Variants in OPRK1 observed in about 807,000 individuals in gnomAD.
OPRK1 encodes kappa-type opioid receptor.
Under a neutral mutation model 24.5 loss-of-function variants are expected in OPRK1, and 15 were observed. The ratio of observed to expected loss-of-function variants is 0.61; its 90% confidence interval spans 0.41 to 0.94. The LOEUF is 0.94. Among genes scored for constraint, OPRK1 ranks in the 40% least tolerant of loss-of-function variants. The pLI is 0.00. For synonymous variants in OPRK1, 205 were observed against 198.0 expected, an observed-to-expected ratio of 1.04 and a Z score of -0.30; for missense variants, 479 against 507.3, an observed-to-expected ratio of 0.94 and a Z score of 0.54.
At chr8:53,238,899 G>A (rs1805294523) in intron 2 of OPRK1, among the ~76,000 whole-genome samples, 1 of 152,202 alleles carries the variant, frequency 6.6e-6, no homozygotes, top group African/African-American at 2.4e-5. Context: ...GGTAGAGGAG[G>A]TAATTATTGG....
At chr8:53,243,053 G>T in intron 2 of OPRK1, 1 of 1,013,648 alleles carries the variant, frequency 9.9e-7, no homozygotes, top group South Asian at 1.8e-5. Flanking sequence ...AAAAGGGACT[G>T]CTGCTGATCT....
In OPRK1 at chr8:53,227,420, A is replaced by C. The variant is rs200711612; in HGVS notation, c.*1877T>G. 6.6e-6 allele frequency: 1 copy of C among 152,148 alleles called. No individual in the cohort carries two copies. Among genetic ancestry groups the C allele is most frequent in the Non-Finnish European group, 1.5e-5 (1 of 68,054 alleles). The allele number at this position is 152,148 out of a possible 1,614,324, so 9.4% of individuals were successfully genotyped here. A position where few individuals can be genotyped will look rare whatever the true frequency, so the allele number is the denominator to read the frequency against. On this transcript the variant is annotated 3_prime_UTR_variant, in exon 4 of 4. Transcript: ENST00000265572. Reference sequence around the variant, plus strand: ...CCATAAAGAAGTTTTTATATTTCCTATTTCACCAGGGCTTGTTTCTGGAAC... The same window carrying C: ...CCATAAAGAAGTTTTTATATTTCCTCTTTCACCAGGGCTTGTTTCTGGAAC...
intron 1 of OPRK1, 55 bp downstream of exon 1, chr8:53,251,393 C>A: frequency 1.8e-5 from 6 of 331,046 alleles, no homozygotes; most frequent in Non-Finnish European, 2.2e-5. Context: ...GCCCCCTTCC[C>A]ACCTCCCAGC....
chr8:53,239,375 A>C (rs570895326), intron 2 of OPRK1, among the ~76,000 whole-genome samples: 1 of 152,238 alleles, frequency 6.6e-6, no homozygotes, highest in African/African-American at 2.4e-5. Flanking sequence ...CATATTCTGA[A>C]GAGAAAATTT....
chr8:53,229,321 G>C lies in OPRK1; in HGVS notation c.1119C>G (p.Ile373Met), dbSNP rs150426309. Residue 373 changes from isoleucine (I) to methionine (M), a missense_variant, in exon 4 of 4, where the codon ATC (isoleucine) becomes ATG (methionine). Coordinates refer to ENST00000265572, the MANE Select transcript of OPRK1 (RefSeq NM_000912.5). Reference protein sequence around the residue: ...TVQDPAYLRDIDGMNKPV With the variant: ...TVQDPAYLRDMDGMNKPV The stretch of plus-strand genomic sequence containing the variant: ...GTCATACTGGTTTATTCATCCCATC[G>C]ATGTCCCTCAGGTAAGCAGGATCCT... 12 of 1,613,816 alleles carry C rather than the reference G, an allele frequency of 7.4e-6. No individual in the cohort carries two copies. The highest frequency in any genetic ancestry group is 1.3e-5 in the African/African-American group (1 of 74,918).
intron 2 of OPRK1, 94 bp downstream of exon 2, chr8:53,250,687 T>C: frequency 7.5e-7 from 1 of 1,327,180 alleles, no homozygotes. Flanking sequence ...CCCCACCACC[T>C]GGCTGGCTGC....
At chr8:53,242,855 C>T in intron 2 of OPRK1, 1 of 1,283,086 alleles carries the variant, frequency 7.8e-7, no homozygotes, top group Non-Finnish European at 1.0e-6. Flanking sequence ...TCACACCAGT[C>T]CCTTTGGGAT....
chr8:53,241,559 GAGAA>G (rs1807116681), intron 2 of OPRK1, among the ~76,000 whole-genome samples: 2 of 152,028 alleles, frequency 1.3e-5, no homozygotes, highest in African/African-American at 2.4e-5. Context: ...GAAAGGGAAA[GAGAA>G]AGAAAGGAAA....
chr8:53,245,135 A>G (rs1807200632), intron 2 of OPRK1, among the ~76,000 whole-genome samples: 1 of 152,262 alleles, frequency 6.6e-6, no homozygotes, highest in African/African-American at 2.4e-5. Context: ...ATTTAAAAAA[A>G]CAACATTTTT....
intron 2 of OPRK1, among the ~76,000 whole-genome samples, chr8:53,243,135 T>G (rs753704241): frequency 6.6e-6 from 1 of 152,242 alleles, no homozygotes; most frequent in Non-Finnish European, 1.5e-5. Context: ...ATGTATTACT[T>G]GCACCACTGA....
At chr8:53,231,768 AC>A (rs1237860347) in intron 3 of OPRK1, among the ~76,000 whole-genome samples, 9 of 152,352 alleles carry the variant, frequency 5.9e-5, no homozygotes, top group African/African-American at 1.9e-4. Flanking sequence ...CACATGAATA[AC>A]AAACCCTCGA....
Position 53,234,843 on chromosome 8 carries a change from T to C in OPRK1, c.526A>G (p.Lys176Glu). Residue 176 changes from lysine to glutamate, a missense_variant, in exon 3 of 4, where the codon AAG (lysine) becomes GAG (glutamate). By Grantham distance (56) the Lys-to-Glu change is moderately conservative. Coordinates refer to ENST00000265572, the MANE Select transcript of OPRK1 (RefSeq NM_000912.5). Reference sequence around the variant, plus strand: ...AGCCAGATGCAGATATTGATGATCTTTGCCTTCAAGGGTGTGCGGAAGTCC... The same window carrying C: ...AGCCAGATGCAGATATTGATGATCTCTGCCTTCAAGGGTGTGCGGAAGTCC... Reference protein sequence around the residue: ...ALDFRTPLKAKIINICIWLLS... With the variant: ...ALDFRTPLKAEIINICIWLLS... 6.2e-7 allele frequency: 1 copy of C among 1,614,204 alleles called. No individual in the cohort carries two copies.
In OPRK1 at chr8:53,241,592, T is replaced by A. The variant is rs142595170; in HGVS notation, c.258-6481A>T. On this transcript the variant is annotated intron_variant, in intron 2 of 3. Coordinates refer to ENST00000265572, the MANE Select transcript of OPRK1 (RefSeq NM_000912.5). ...AAGGAAAAATGGAAGGAAAGGAAAA[T>A]GGAAAGGAAAGATAAGGAAATTAAA... Among the ~76,000 whole-genome samples, 165 of 150,276 alleles carry A rather than the reference T, an allele frequency of 1.1e-3. 1 individual carries two copies. Among genetic ancestry groups the A allele is most frequent in the African/African-American group, 3.9e-3 (158 of 40,916 alleles).
chr8:53,234,592 G>A (rs1806940951), intron 3 of OPRK1, among the ~76,000 whole-genome samples, 167 bp downstream of exon 3: 1 of 152,084 alleles, frequency 6.6e-6, no homozygotes, highest in Non-Finnish European at 1.5e-5. Context: ...AGGTGGAAAG[G>A]GACACAAAAT....
At chr8:53,246,587 G>C (rs1417949877) in intron 2 of OPRK1, among the ~76,000 whole-genome samples, 2 of 133,986 alleles carry the variant, frequency 1.5e-5, no homozygotes, top group Non-Finnish European at 3.1e-5. Flanking sequence ...TAGCTTATAT[G>C]GTAAAGACCC....
In OPRK1 at chr8:53,229,738, G is replaced by A; in HGVS notation, c.702C>T (p.Ala234=). 3 of 1,613,996 alleles carry A rather than the reference G, an allele frequency of 1.9e-6. No individual in the cohort carries two copies. The highest frequency in any genetic ancestry group is 2.5e-6 in the Non-Finnish European group (3 of 1,179,980). Residue 234 remains alanine (A), a synonymous_variant, in exon 4 of 4, where the codon GCC becomes GCT. Coordinates refer to ENST00000265572, the MANE Select transcript of OPRK1 (RefSeq NM_000912.5). ...LFMKICVFIF[A]FVIPVLIIIV... is the part of the protein sequence containing the mutation. ...TGATGATGAGGACAGGGATCACGAA[G>A]GCAAAGATGAAGACGCAGATCTTCA...
rs1357299956 is a variant in OPRK1 at position 53,227,730 on chromosome 8, G to A, written c.*1567C>T. 6.6e-6 allele frequency: 1 copy of A among 151,934 alleles called. No individual in the cohort carries two copies. Among genetic ancestry groups the A allele is most frequent in the Non-Finnish European group, 1.5e-5 (1 of 68,004 alleles). 9.4% of individuals were successfully genotyped at this position (151,934 alleles called of 1,614,324 possible). A position where few individuals can be genotyped will look rare whatever the true frequency, so the allele number is the denominator to read the frequency against. On this transcript the variant is annotated 3_prime_UTR_variant, in exon 4 of 4. Transcript: ENST00000265572. ...TGAAGCCATGTGTAAAACCTTCAAT[G>A]CAAGGTTTTGTTTCCAAAAGGTGAG...
Position 53,241,933 on chromosome 8 carries a change from T to A in OPRK1, c.258-6822A>T, listed in dbSNP as rs75491338. 8.7e-3 allele frequency among the ~76,000 whole-genome samples: 1,320 copies of A among 152,286 alleles called. 19 individuals are homozygous for A. The highest frequency in any genetic ancestry group is 0.03 in the African/African-American group (1,233 of 41,570). On this transcript the variant is annotated intron_variant, in intron 2 of 3. Transcript: ENST00000265572. Reference sequence around the variant, plus strand: ...AGCTCCTCCTCTCAGTTGTCCCGGCTGTGGAATCATGCGCCTCTGGACCCC... The same window carrying A: ...AGCTCCTCCTCTCAGTTGTCCCGGCAGTGGAATCATGCGCCTCTGGACCCC...
chr8:53,229,947 G>T, intron 3 of OPRK1, 118 bp from the exon 4 acceptor site: 1 of 931,116 alleles, frequency 1.1e-6, no homozygotes, highest in Non-Finnish European at 1.6e-6. Flanking sequence ...ATTATGGTAA[G>T]ATGACATTAC....
Sources: gnomAD v4.1 joint callset for allele counts (sites outside exome capture counted in the v4.1 genomes callset) on GRCh38, gnomAD v4.1.1 for gene constraint, MANE v1.5 for transcripts, NCBI Gene and HGNC (gene_info 2026-07-23, HGNC 2026-07-21) for gene names.